The following TMEM117 variants were observed in gnomAD, a reference collection of about 807,000 sequenced individuals.
TMEM117 encodes transmembrane protein 117.
Under a neutral mutation model 52.4 loss-of-function variants are expected in TMEM117, and 27 were observed. The ratio of observed to expected loss-of-function variants is 0.51; its 90% confidence interval spans 0.38 to 0.71. The LOEUF (loss-of-function observed/expected upper bound fraction) is 0.71. Among genes scored for constraint, TMEM117 ranks in the 30% least tolerant of loss-of-function variants. TMEM117 has a pLI of 0.00. For missense variants in TMEM117, 556 were observed against 630.5 expected (o/e 0.88, Z 1.26); for synonymous variants, 215 against 206.3 (o/e 1.04, Z -0.36).
At chr12:44,032,768 C>A (rs961249508) in intron 3 of TMEM117, among the ~76,000 whole-genome samples, 1 of 152,176 alleles carries the variant, frequency 6.6e-6, no homozygotes, top group African/African-American at 2.4e-5. Flanking sequence ...CTGAGCTCCT[C>A]TCTACCTTGA....
intron 2 of TMEM117, among the ~76,000 whole-genome samples, chr12:43,880,367 ATTTC>A (rs1943875688): frequency 6.6e-6 from 1 of 152,074 alleles, no homozygotes; most frequent in Non-Finnish European, 1.5e-5. Flanking sequence ...TTTTAAAAAA[ATTTC>A]TTTCTAACTT....
At chr12:44,143,800 A>G (rs1948603901) in intron 4 of TMEM117, among the ~76,000 whole-genome samples, 176 bp downstream of exon 4, 1 of 152,206 alleles carries the variant, frequency 6.6e-6, no homozygotes. Flanking sequence ...GACCTCAGAA[A>G]AAAAATCAAT....
intron 6 of TMEM117, among the ~76,000 whole-genome samples, chr12:44,301,333 G>A (rs1950836832): frequency 6.6e-6 from 1 of 152,078 alleles, no homozygotes; most frequent in Non-Finnish European, 1.5e-5. Context: ...AAGAAAGAAA[G>A]GATAGTCAGG....
chr12:43,842,121 A>C (rs1268252588), intron 1 of TMEM117, among the ~76,000 whole-genome samples: 1 of 152,208 alleles, frequency 6.6e-6, no homozygotes, highest in African/African-American at 2.4e-5. Context: ...AATCGAGTTC[A>C]AAACCAACCT....
chr12:44,274,930 C>G (rs1950494245), intron 5 of TMEM117, among the ~76,000 whole-genome samples: 1 of 152,020 alleles, frequency 6.6e-6, no homozygotes, highest in South Asian at 2.1e-4. Flanking sequence ...GAAGCAAAGG[C>G]AACCAAAGGA....
chr12:44,128,702 A>C (rs1169145316), intron 3 of TMEM117, among the ~76,000 whole-genome samples: 2 of 152,136 alleles, frequency 1.3e-5, no homozygotes, highest in African/African-American at 4.8e-5. Context: ...TTACCACCAA[A>C]GGCCTATGCT....
chr12:44,303,725 C>T (rs1950870677), intron 6 of TMEM117, among the ~76,000 whole-genome samples: 1 of 152,096 alleles, frequency 6.6e-6, no homozygotes, highest in Non-Finnish European at 1.5e-5. Flanking sequence ...CCCTCTATTT[C>T]TTTGCATAAG....
chr12:43,842,958 A>C (rs1393512239), intron 1 of TMEM117, among the ~76,000 whole-genome samples: 2 of 152,194 alleles, frequency 1.3e-5, no homozygotes, highest in African/African-American at 2.4e-5. Flanking sequence ...TCAGCCTCAG[A>C]GATTCAGATC....
intron 2 of TMEM117, among the ~76,000 whole-genome samples, chr12:43,865,942 A>T (rs1339507793): frequency 6.6e-6 from 1 of 151,884 alleles, no homozygotes; most frequent in Non-Finnish European, 1.5e-5. Flanking sequence ...TTAAAATTAA[A>T]GTTTATTGTA....
chr12:44,143,853 A>G (rs1565846689), intron 4 of TMEM117, among the ~76,000 whole-genome samples: 1 of 152,198 alleles, frequency 6.6e-6, no homozygotes, highest in African/African-American at 2.4e-5. Flanking sequence ...GAATCTGTCG[A>G]TCGATCTATC....
In TMEM117 at chr12:44,250,298, G is replaced by A. The variant is rs113836690; in HGVS notation, c.608+38911G>A. ...CAAAACCACAGTGAAATACCAGTTC[G>A]CACCAGTCACAATGGCTATTATAAA... On this transcript the variant is annotated intron_variant, in intron 5 of 7. Transcript: ENST00000266534. Among the ~76,000 whole-genome samples, 1,045 of 152,180 alleles carry A rather than the reference G, an allele frequency of 6.9e-3. 15 individuals carry two copies. Among genetic ancestry groups the A allele is most frequent in the African/African-American group, 0.024 (993 of 41,534 alleles).
At chr12:44,009,878 C>A in intron 3 of TMEM117, 1 of 267,326 alleles carries the variant, frequency 3.7e-6, no homozygotes, top group South Asian at 5.8e-5. Context: ...TCAATATTTC[C>A]AAGATCTACT....
chr12:44,114,794 G>C (rs1056391956), intron 3 of TMEM117, among the ~76,000 whole-genome samples: 1 of 152,090 alleles, frequency 6.6e-6, no homozygotes, highest in African/African-American at 2.4e-5. Flanking sequence ...TCTTCTGTGC[G>C]TTTAGCTAAT....
At chr12:43,911,896 G>A (rs1255542723) in intron 2 of TMEM117, among the ~76,000 whole-genome samples, 2 of 148,402 alleles carry the variant, frequency 1.3e-5, no homozygotes, top group African/African-American at 2.5e-5. Flanking sequence ...TACACTGTTG[G>A]TGGGACTGTA....
At chr12:44,160,156 A>T (rs185589511) in intron 4 of TMEM117, among the ~76,000 whole-genome samples, 1,750 of 152,184 alleles carry the variant, frequency 0.011, 22 homozygotes, top group South Asian at 0.052. Context: ...ATCCACAGAG[A>T]AAGGCTCATG....
intron 2 of TMEM117, among the ~76,000 whole-genome samples, chr12:43,915,023 A>G (rs1944577681): frequency 6.6e-6 from 1 of 152,112 alleles, no homozygotes; most frequent in African/African-American, 2.4e-5. Context: ...CTGTGAGAGG[A>G]AAATCTGGCT....
rs190351632 is a variant in TMEM117 at position 44,279,316 on chromosome 12, C to T, written c.609-20264C>T. Reference sequence around the variant, plus strand: ...CCTTTGCCTCCGATGTTTGGGTAAACGCTAATAAAGTTGTCAATTACTTGG... The same window carrying T: ...CCTTTGCCTCCGATGTTTGGGTAAATGCTAATAAAGTTGTCAATTACTTGG... On this transcript the variant is annotated intron_variant, in intron 5 of 7. Coordinates refer to ENST00000266534, the MANE Select transcript of TMEM117 (RefSeq NM_032256.3). 3.2e-3 allele frequency among the ~76,000 whole-genome samples: 484 copies of T among 152,208 alleles called. 1 individual carries two copies. The highest frequency in any genetic ancestry group is 4.1e-3 in the Non-Finnish European group (277 of 68,004).
At chr12:43,970,547 C>T (rs1208675175) in intron 3 of TMEM117, among the ~76,000 whole-genome samples, 1 of 152,150 alleles carries the variant, frequency 6.6e-6, no homozygotes, top group Non-Finnish European at 1.5e-5. Context: ...CTCGGCCTCT[C>T]AAAGTGCTGG....
chr12:44,233,061 C>G (rs2138457231), intron 5 of TMEM117, among the ~76,000 whole-genome samples: 1 of 151,312 alleles, frequency 6.6e-6, no homozygotes, highest in Non-Finnish European at 1.5e-5. Context: ...TATCATATCT[C>G]TTGTGAATGA....
Sources: gnomAD v4.1 joint callset for allele counts (sites outside exome capture counted in the v4.1 genomes callset) on GRCh38, gnomAD v4.1.1 for gene constraint, MANE v1.5 for transcripts, NCBI Gene and HGNC (gene_info 2026-07-23, HGNC 2026-07-21) for gene names.